The following PCDHGB6 variants were observed in gnomAD, a reference collection of about 807,000 sequenced individuals.
The protein encoded by PCDHGB6 is protocadherin gamma subfamily B, 6, also known as protocadherin gamma-B6.
A neutral mutation model predicts 59.1 loss-of-function variants in PCDHGB6; 51 were observed. That is an observed-to-expected ratio of 0.86 (90% CI 0.69 to 1.09). The LOEUF (loss-of-function observed/expected upper bound fraction) is 1.09, where lower values mean the gene tolerates loss of function less well. Among genes scored for constraint, PCDHGB6 ranks in the 50% least tolerant of loss-of-function variants. The pLI, the probability that PCDHGB6 is intolerant of heterozygous loss-of-function variation, is 0.00. For missense variants in PCDHGB6, 1,148 were observed against 1,205.1 expected, an observed-to-expected ratio of 0.95 and a Z score of 0.70; for synonymous variants, 466 against 495.1, an observed-to-expected ratio of 0.94 and a Z score of 0.78.
At chr5:141,505,336 G>T in intron 2 of PCDHGB6, 57 bp from the exon 3 acceptor site, 2 of 1,611,372 alleles carry the variant, frequency 1.2e-6, no homozygotes, top group Non-Finnish European at 1.7e-6. Context: ...GAGGACAGGA[G>T]GGGCATGAGC....
At chr5:141,471,571 A>G (rs1417147609) in intron 1 of PCDHGB6, 1 of 152,224 alleles carries the variant, frequency 6.6e-6, no homozygotes, top group African/African-American at 2.4e-5. Context: ...GGGTAGCAGT[A>G]GATAGGGTAA....
At chr5:141,475,840 A>G (rs1039073157) in intron 1 of PCDHGB6, 2 of 434,770 alleles carry the variant, frequency 4.6e-6, no homozygotes, top group Non-Finnish European at 8.2e-6. Context: ...TGTCCTGCTC[A>G]GAGAGCCCGG....
chr5:141,431,376 CT>C lies in PCDHGB6; in HGVS notation c.2418+20757del. The C allele has an allele frequency of 1.2e-6, 2 of 1,613,436 alleles. No individual in the cohort carries two copies. The highest frequency in any genetic ancestry group is 1.7e-6 in the Non-Finnish European group (2 of 1,179,562). On this transcript the variant is annotated intron_variant, in intron 1 of 3. Transcript: ENST00000520790. This position sits in a 1 kb window ranked among gnomAD's most constrained non-coding sequence, Gnocchi z 4.8. ...CGCGCCCTGGACCGCGAAGAAAAGG[CT>C]GCTCACCACCTGGTCCTTACGGCCT...
rs556217163 is a variant in PCDHGB6, at chr5:141,433,697, C to T, written c.2418+23077C>T. Among the ~76,000 whole-genome samples the T allele has an allele frequency of 6.0e-4, 91 of 152,138 alleles. 1 individual carries two copies. Among genetic ancestry groups the T allele is most frequent in the African/African-American group, 2.0e-3 (85 of 41,536 alleles). ...CTAAAAAAATACAAAATTAGCCGGGCGTGGTGGTGCATGTCTGTAATCCCA... is the reference window on the plus strand; with the variant it reads ...CTAAAAAAATACAAAATTAGCCGGGTGTGGTGGTGCATGTCTGTAATCCCA... On this transcript the variant is annotated intron_variant, in intron 1 of 3. Coordinates refer to ENST00000520790, the MANE Select transcript of PCDHGB6 (RefSeq NM_018926.3).
chr5:141,487,890 G>C lies in PCDHGB6; in HGVS notation c.2419-6917G>C. 3 of 745,430 alleles carry C rather than the reference G, an allele frequency of 4.0e-6. No homozygotes were observed. Among genetic ancestry groups the C allele is most frequent in the Non-Finnish European group, 6.5e-6 (3 of 462,522 alleles). The allele number at this position is 745,430 out of a possible 1,614,324, so 46.2% of individuals were successfully genotyped here. A position where few individuals can be genotyped will look rare whatever the true frequency, so the allele number is the denominator to read the frequency against. On this transcript the variant is annotated intron_variant, in intron 1 of 3. Coordinates refer to ENST00000520790, the MANE Select transcript of PCDHGB6 (RefSeq NM_018926.3). This position sits in a 1 kb window ranked among gnomAD's most constrained non-coding sequence, Gnocchi z 5.0. ...AAGAGCCAGGCTGTTGTGGAAGCAT[G>C]ATGATGGAATGTGGGAGCACAGGAG...
intron 2 of PCDHGB6, among the ~76,000 whole-genome samples, chr5:141,496,748 C>T (rs1382244657): frequency 6.6e-6 from 1 of 152,130 alleles, no homozygotes; most frequent in African/African-American, 2.4e-5. Flanking sequence ...ATTTATTCAA[C>T]AAATATTTAT....
intron 1 of PCDHGB6, chr5:141,419,835 C>T: frequency 1.2e-6 from 2 of 1,614,084 alleles, no homozygotes; most frequent in African/African-American, 1.3e-5. Flanking sequence ...GCCACTGCCA[C>T]GCTGCACCTG....
Position 141,489,826 on chromosome 5 carries a change from C to G in PCDHGB6, c.2419-4981C>G. On this transcript the variant is annotated intron_variant, in intron 1 of 3. Transcript: ENST00000520790. This position sits in a 1 kb window ranked among gnomAD's most constrained non-coding sequence, Gnocchi z 4.5. The stretch of plus-strand genomic sequence containing the variant: ...TGGGAAGCCATTCCCAGAGCTGGTG[C>G]TAGAGCAGCAGCTGGATCGTGAAGC... 1 of 1,614,186 alleles carries G rather than the reference C, an allele frequency of 6.2e-7. No homozygotes were observed. The highest frequency in any genetic ancestry group is 8.5e-7 in the Non-Finnish European group (1 of 1,179,988).
At chr5:141,423,967 A>C (rs760284844) in intron 1 of PCDHGB6, 11 of 1,153,498 alleles carry the variant, frequency 9.5e-6, no homozygotes, top group Non-Finnish European at 1.2e-5. Flanking sequence ...TTTTTCTATT[A>C]TCAGTGTATG....
Position 141,409,553 on chromosome 5 carries a change from G to T in PCDHGB6, c.1351G>T (p.Val451Phe). The T allele has an allele frequency of 6.2e-7, 1 of 1,613,972 alleles. No homozygotes were observed. Among genetic ancestry groups the T allele is most frequent in the Non-Finnish European group, 8.5e-7 (1 of 1,179,898 alleles). The change falls in exon 1 of 4, where the codon GTT (valine) becomes TTT (phenylalanine). Residue 451 changes from valine (V) to phenylalanine (F), a missense_variant. Val to Phe is a conservative substitution (Grantham distance 50). Transcript: ENST00000520790. ...YVADINDNAPVFDQTSYVVHV... is the reference protein window; with the variant it reads ...YVADINDNAPFFDQTSYVVHV... ...CGCTGACATCAACGACAACGCCCCA[G>T]TTTTCGACCAGACGTCCTACGTGGT...
At chr5:141,414,132 T>A in intron 1 of PCDHGB6, 1 of 1,594,828 alleles carries the variant, frequency 6.3e-7, no homozygotes, top group South Asian at 1.1e-5. Flanking sequence ...CCGGTTTCTA[T>A]GAAATAGAAA....
At chr5:141,426,037 G>A (rs2096911238) in intron 1 of PCDHGB6, among the ~76,000 whole-genome samples, 1 of 152,176 alleles carries the variant, frequency 6.6e-6, no homozygotes, top group South Asian at 2.1e-4. Flanking sequence ...TCAGAGCCCT[G>A]CTGTTGGCCA....
intron 3 of PCDHGB6, among the ~76,000 whole-genome samples, chr5:141,509,040 C>T (rs1217864661): frequency 6.6e-6 from 1 of 152,132 alleles, no homozygotes; most frequent in African/African-American, 2.4e-5. Context: ...CAACCCCTCT[C>T]CCCCGCCCCC....
chr5:141,415,823 G>T (rs529200891), intron 1 of PCDHGB6: 1 of 1,316,022 alleles, frequency 7.6e-7, no homozygotes, highest in East Asian at 2.8e-5. Context: ...ATATCATAAG[G>T]CTTTGTTATG....
chr5:141,437,346 T>C (rs143931647), intron 1 of PCDHGB6, among the ~76,000 whole-genome samples: 2 of 152,380 alleles, frequency 1.3e-5, no homozygotes, highest in East Asian at 3.9e-4. Flanking sequence ...CACTGTTTTA[T>C]AGTACCTAAA....
At chr5:141,422,142 G>T in intron 1 of PCDHGB6, 1 of 1,583,694 alleles carries the variant, frequency 6.3e-7, no homozygotes, top group Non-Finnish European at 8.5e-7. Flanking sequence ...TTCAAGTACG[G>T]GGGTCTCTGG....
At position 141,491,744 on chromosome 5, in the gene PCDHGB6, C is replaced by T; in HGVS notation, c.2419-3063C>T. 6.3e-7 allele frequency: 1 copy of T among 1,592,720 alleles called. No individual in the cohort carries two copies. Among genetic ancestry groups the T allele is most frequent in the African/African-American group, 1.3e-5 (1 of 74,122 alleles). Reference sequence around the variant, plus strand: ...CCCCGGGCGACCCCTGGGGGCGGCACTGGAGAAGCCGCCCGTCCTCATAAG... The same window carrying T: ...CCCCGGGCGACCCCTGGGGGCGGCATTGGAGAAGCCGCCCGTCCTCATAAG... On this transcript the variant is annotated intron_variant, in intron 1 of 3. Transcript: ENST00000520790. The surrounding 1 kb of genome is among the most constrained non-coding windows in gnomAD (Gnocchi z 6.9).
At chr5:141,456,214 G>C (rs552287407) in intron 1 of PCDHGB6, among the ~76,000 whole-genome samples, 8 of 152,136 alleles carry the variant, frequency 5.3e-5, no homozygotes, top group Non-Finnish European at 7.4e-5. Context: ...CCTCCCTGTG[G>C]CGATATCAAA....
At chr5:141,457,791 A>G (rs554446263) in intron 1 of PCDHGB6, among the ~76,000 whole-genome samples, 1 of 152,318 alleles carries the variant, frequency 6.6e-6, no homozygotes, top group South Asian at 2.1e-4. Flanking sequence ...GAGTTGGGTT[A>G]TCCTCTCCTC....
Sources: allele counts gnomAD v4.1 joint callset (sites outside exome capture counted in the v4.1 genomes callset), GRCh38; gene constraint gnomAD v4.1.1; non-coding constraint Gnocchi (gnomAD v3.1); transcripts MANE v1.5; gene names NCBI Gene and HGNC (gene_info 2026-07-23, HGNC 2026-07-21).